Variants in NUP214 observed in about 807,000 individuals in gnomAD.
The protein encoded by NUP214 is nuclear pore complex protein Nup214.
NUP214 carries 79 observed loss-of-function variants against 196.2 expected under a neutral mutation model. That is an observed-to-expected ratio of 0.40 (90% CI 0.34 to 0.49). NUP214 has a LOEUF of 0.49. NUP214 is among the 20% of genes least tolerant of loss of function. The pLI, the probability that NUP214 is intolerant of heterozygous loss-of-function variation, is 0.58. For synonymous variants in NUP214, 1,020 were observed against 990.5 expected (o/e 1.03, Z -0.56); for missense variants, 2,468 against 2,539.0 (o/e 0.97, Z 0.60).
chr9:131,162,660 A>G (rs1280541006), intron 18 of NUP214, among the ~76,000 whole-genome samples: 3 of 152,170 alleles, frequency 2.0e-5, no homozygotes, highest in African/African-American at 7.2e-5. Context: ...TCTAAGTAGA[A>G]AGCTGACTGG....
rs200736707 is a variant in NUP214, at chr9:131,174,298, C to T, written c.3137C>T (p.Pro1046Leu). The T allele has an allele frequency of 1.9e-6, 3 of 1,613,088 alleles. No homozygotes were observed. In the African/African-American group the frequency reaches 4.0e-5, roughly 22 times the overall value. Residue 1046 changes from proline to leucine, a missense_variant, in exon 22 of 36, where the codon CCT becomes CTT. Physicochemically the swap from Pro to Leu is moderately conservative, Grantham distance 98 (BLOSUM62 -3). Coordinates refer to ENST00000359428, the MANE Select transcript of NUP214 (RefSeq NM_005085.4). ...TCTCACCTGGTTCATGGTTCTTCAC[C>T]TGGTGTGATGGGAACTTCAGGTAAG... ...AKSHLVHGSSPGVMGTSVATS... is the reference protein window; with the variant it reads ...AKSHLVHGSSLGVMGTSVATS...
intron 17 of NUP214, among the ~76,000 whole-genome samples, chr9:131,152,898 C>T (rs995101264): frequency 5.9e-5 from 9 of 152,080 alleles, no homozygotes; most frequent in African/African-American, 2.2e-4. Context: ...ACCTCAGCCT[C>T]CCACATAGTT....
At chr9:131,222,697 A>G in intron 31 of NUP214, 81 bp from the exon 32 acceptor site, 5 of 1,503,182 alleles carry the variant, frequency 3.3e-6, no homozygotes, top group Admixed American at 2.0e-5. Flanking sequence ...CAAACACCCA[A>G]CTGAGACTTT....
rs553459620 is a variant in NUP214 at position 131,158,507 on chromosome 9, A to G, written c.2437-876A>G. Among the ~76,000 whole-genome samples the G allele has an allele frequency of 2.0e-5, 3 of 152,374 alleles. No homozygotes were observed. In the East Asian group the frequency reaches 5.8e-4, roughly 29 times the overall value. ...TAGCTAAAATTTTAAATAATGACAGATTCAGTTTTTAGTGCTGATAGTGTT... is the reference window on the plus strand; with the variant it reads ...TAGCTAAAATTTTAAATAATGACAGGTTCAGTTTTTAGTGCTGATAGTGTT... On this transcript the variant is annotated intron_variant, in intron 17 of 35. Transcript: ENST00000359428.
intron 11 of NUP214, among the ~76,000 whole-genome samples, 175 bp downstream of exon 11, chr9:131,140,885 CCTA>C (rs1365124265): frequency 6.6e-6 from 1 of 152,104 alleles, no homozygotes; most frequent in African/African-American, 2.4e-5. Flanking sequence ...TTTGCCTTCC[CCTA>C]CCCTCAAGCT....
chr9:131,169,812 A>G (rs934794486), intron 21 of NUP214, among the ~76,000 whole-genome samples: 1 of 152,192 alleles, frequency 6.6e-6, no homozygotes, highest in Non-Finnish European at 1.5e-5. Flanking sequence ...GCAAAACTTT[A>G]TATTTCTGCA....
chr9:131,155,882 G>A (rs991538518), intron 17 of NUP214, among the ~76,000 whole-genome samples: 1 of 152,092 alleles, frequency 6.6e-6, no homozygotes, highest in Non-Finnish European at 1.5e-5. Flanking sequence ...GGTGACTATA[G>A]GCTTGTAGTA....
chr9:131,125,880 C>A lies in NUP214; in HGVS notation c.45+131C>A. On this transcript the variant is annotated intron_variant, in intron 1 of 35. Coordinates refer to ENST00000359428, the MANE Select transcript of NUP214 (RefSeq NM_005085.4). The surrounding 1 kb of genome is among the most constrained non-coding windows in gnomAD (Gnocchi z 4.1). Reference sequence around the variant, plus strand: ...CAGTTTACCGCGTTCACAGCTCTCACCAGCGCGTCTGCCGCGCCGCTGGCG... The same window carrying A: ...CAGTTTACCGCGTTCACAGCTCTCAACAGCGCGTCTGCCGCGCCGCTGGCG... 2.9e-6 allele frequency: 3 copies of A among 1,031,930 alleles called. No homozygotes were observed. Among genetic ancestry groups the A allele is most frequent in the South Asian group, 3.0e-5 (2 of 67,246 alleles). 63.9% of individuals were successfully genotyped at this position (1,031,930 alleles called of 1,614,324 possible). A position where few individuals can be genotyped will look rare whatever the true frequency, so the allele number is the denominator to read the frequency against.
Position 131,198,409 on chromosome 9 carries a change from A to C in NUP214, c.4915A>C (p.Thr1639Pro). 4 of 1,614,228 alleles carry C rather than the reference A, an allele frequency of 2.5e-6. No homozygotes were observed. Among genetic ancestry groups the C allele is most frequent in the Non-Finnish European group, 3.4e-6 (4 of 1,180,032 alleles). ...AGAGGCAGCAGCATTTGGTACCGTC[A>C]CTTCTGGCTCATCCGTCTTTGCTCA... The part of the protein sequence containing the change: ...SAEAAAFGTV[T>P]SGSSVFAQPP... Residue 1639 changes from threonine to proline, a missense_variant, in exon 29 of 36, where the codon ACT becomes CCT. Physicochemically the swap from Thr to Pro is conservative, Grantham distance 38 (BLOSUM62 -1). Transcript: ENST00000359428.
At chr9:131,221,166 A>G (rs1281323476) in intron 31 of NUP214, among the ~76,000 whole-genome samples, 1 of 152,214 alleles carries the variant, frequency 6.6e-6, no homozygotes, top group African/African-American at 2.4e-5. Flanking sequence ...GGAAGGTCAA[A>G]CTGCTCAGAA....
chr9:131,134,712 G>A (rs1270917020), intron 7 of NUP214, among the ~76,000 whole-genome samples, 186 bp from the exon 8 acceptor site: 1 of 152,124 alleles, frequency 6.6e-6, no homozygotes, highest in Non-Finnish European at 1.5e-5. Context: ...TTTAAATGCA[G>A]TTCGGTTGAT....
chr9:131,128,621 T>A, intron 3 of NUP214, 138 bp downstream of exon 3: 1 of 669,878 alleles, frequency 1.5e-6, no homozygotes, highest in Non-Finnish European at 2.3e-6. Context: ...AAAAAATCCT[T>A]AATTATAGAA....
chr9:131,201,763 ATTCAGTTTTC>A, intron 30 of NUP214, 46 bp downstream of exon 30: 2 of 1,513,486 alleles, frequency 1.3e-6, no homozygotes, highest in Non-Finnish European at 1.8e-6. Context: ...TATCAAACCC[ATTCAGTTTTC>A]TTCACTGTAA....
At chr9:131,154,808 T>C (rs1048403817) in intron 17 of NUP214, among the ~76,000 whole-genome samples, 1 of 152,102 alleles carries the variant, frequency 6.6e-6, no homozygotes, top group East Asian at 1.9e-4. Context: ...TTCCTTTTTA[T>C]GGCTGAGTAG....
At chr9:131,221,272 T>C (rs2131092000) in intron 31 of NUP214, among the ~76,000 whole-genome samples, 1 of 152,326 alleles carries the variant, frequency 6.6e-6, no homozygotes, top group South Asian at 2.1e-4. Context: ...CAGCTGCCAG[T>C]ACCTGACATA....
chr9:131,147,496 C>G lies in NUP214; in HGVS notation c.1952C>G (p.Ser651Cys). 2 of 1,607,266 alleles carry G rather than the reference C, an allele frequency of 1.2e-6. No homozygotes were observed. Among genetic ancestry groups the G allele is most frequent in the Non-Finnish European group, 1.7e-6 (2 of 1,177,552 alleles). Reference sequence around the variant, plus strand: ...TGACTTCTTTTTCAAGCAGGACGATCTGCTCAGGGCAGTTCAAGCCCAGTG... The same window carrying G: ...TGACTTCTTTTTCAAGCAGGACGATGTGCTCAGGGCAGTTCAAGCCCAGTG... ...SSVLPSPSGRSAQGSSSPVPS... is the reference protein window; with the variant it reads ...SSVLPSPSGRCAQGSSSPVPS... The change falls in exon 14 of 36, where the codon TCT (serine) becomes TGT (cysteine). Residue 651 changes from serine to cysteine, a missense_variant. Physicochemically the swap from Ser to Cys is moderately radical, Grantham distance 112. This residue lies in a region of NUP214 where 1,801 missense variants were observed against 1,779.4 expected (regional missense o/e 1.01). Transcript: ENST00000359428.
rs747762818 is a variant in NUP214, at chr9:131,198,302, G to A, written c.4808G>A (p.Ser1603Asn). The A allele has an allele frequency of 3.1e-6, 5 of 1,614,216 alleles. No individual in the cohort carries two copies. The highest frequency in any genetic ancestry group is 1.6e-4 in the Middle Eastern group (1 of 6,062). ...GCTGTCACAGCAGCTGCTATCTCAAGTGCAGGCCCTGTGGCCGTCGAAACA... is the reference window on the plus strand; with the variant it reads ...GCTGTCACAGCAGCTGCTATCTCAAATGCAGGCCCTGTGGCCGTCGAAACA... ...QTAVTAAAIS[S>N]AGPVAVETSS... The change falls in exon 29 of 36, where the codon AGT becomes AAT. Residue 1603 changes from serine (S) to asparagine (N), a missense_variant. Ser to Asn is a conservative substitution (Grantham distance 46). Around this residue, in one of 5 missense-constraint regions of NUP214, gnomAD observed 1,801 missense variants for 1,779.4 expected, o/e 1.01. Transcript: ENST00000359428.
rs1832758595 is a variant in NUP214 at position 131,165,339 on chromosome 9, G to T, written c.2893+1195G>T. The T allele has an allele frequency of 3.3e-5, 5 of 152,024 alleles. No individual in the cohort carries two copies. In the South Asian group the frequency reaches 1.0e-3, roughly 31 times the overall value. The allele number at this position is 152,024 out of a possible 1,614,324, so 9.4% of individuals were successfully genotyped here. ...AGATATGGCCTCACTTAGTTATTTTGGTTTAGTTCCAAACTTTTTTCTTTG... is the reference window on the plus strand; with the variant it reads ...AGATATGGCCTCACTTAGTTATTTTTGTTTAGTTCCAAACTTTTTTCTTTG... On this transcript the variant is annotated intron_variant, in intron 21 of 35. Transcript: ENST00000359428.
At chr9:131,185,182 C>T (rs1277994843) in intron 24 of NUP214, among the ~76,000 whole-genome samples, 1 of 152,232 alleles carries the variant, frequency 6.6e-6, no homozygotes, top group East Asian at 1.9e-4. Context: ...TAATGCTTCA[C>T]AACCCAATTT....
Sources: gnomAD v4.1 joint callset for allele counts (sites outside exome capture counted in the v4.1 genomes callset) on GRCh38, gnomAD v4.1.1 for gene constraint, gnomAD v4.1.1 regional missense constraint, Gnocchi (gnomAD v3.1) non-coding constraint, MANE v1.5 for transcripts, NCBI Gene and HGNC (gene_info 2026-07-23, HGNC 2026-07-21) for gene names.